SLC30A8: variants seen among roughly 807,000 people sequenced by gnomAD.
SLC30A8 encodes proton-coupled zinc antiporter SLC30A8.
In SLC30A8, 27 loss-of-function variants were observed where a neutral mutation model predicts 36.9. The ratio of observed to expected loss-of-function variants is 0.73; its 90% confidence interval spans 0.54 to 1.01. The LOEUF is 1.01. SLC30A8 is among the 50% of genes least tolerant of loss of function. The probability of loss-of-function intolerance (pLI) is 0.00; values close to 1 mark genes in which losing one functional copy is unlikely to be tolerated. For missense variants in SLC30A8, 439 were observed against 452.0 expected, an observed-to-expected ratio of 0.97 and a Z score of 0.26; for synonymous variants, 164 against 172.4, an observed-to-expected ratio of 0.95 and a Z score of 0.38.
chr8:117,163,669 A>ACAAT, intron 6 of SLC30A8, 139 bp downstream of exon 6: 1 of 642,450 alleles, frequency 1.6e-6, no homozygotes, highest in South Asian at 2.4e-5. Context: ...TTTTGTGAAA[A>ACAAT]CAATCATTTG....
chr8:117,113,711 G>T (rs1820327106), intron 2 of SLC30A8, among the ~76,000 whole-genome samples: 1 of 152,120 alleles, frequency 6.6e-6, no homozygotes, highest in Non-Finnish European at 1.5e-5. Flanking sequence ...AGAAGTTGTT[G>T]TGCTAGACAT....
At chr8:117,162,036 C>T in intron 5 of SLC30A8, 148 bp downstream of exon 5, 1 of 618,724 alleles carries the variant, frequency 1.6e-6, no homozygotes, top group Non-Finnish European at 2.7e-6. Context: ...AACACTCAAC[C>T]ATGGTGTTAA....
rs1355722512 is a variant in SLC30A8 at position 117,171,148 on chromosome 8, T to C, written c.944T>C (p.Leu315Pro). 3 of 1,613,458 alleles carry C rather than the reference T, an allele frequency of 1.9e-6. No individual in the cohort carries two copies. Among genetic ancestry groups the C allele is most frequent in the Non-Finnish European group, 2.5e-6 (3 of 1,179,626 alleles). The change falls in exon 7 of 8, where the codon CTC becomes CCC. Residue 315 changes from leucine (L) to proline (P), a missense_variant. Physicochemically the swap from Leu to Pro is moderately conservative, Grantham distance 98. Transcript: ENST00000456015. ...IWSLTMNQVI[L>P]SAHVATAASR... Reference sequence around the variant, plus strand: ...TCTCTAACAATGAATCAAGTAATTCTCTCAGCTCATGTTGCTACAGGTCAG... The same window carrying C: ...TCTCTAACAATGAATCAAGTAATTCCCTCAGCTCATGTTGCTACAGGTCAG...
chr8:117,034,540 G>A (rs970639287), intron 1 of SLC30A8, among the ~76,000 whole-genome samples: 4 of 152,182 alleles, frequency 2.6e-5, no homozygotes, highest in East Asian at 3.9e-4. Context: ...GGAAACTGAA[G>A]CATGGAGTGG....
intron 3 of SLC30A8, among the ~76,000 whole-genome samples, chr8:117,156,675 T>C (rs1051346697): frequency 2.6e-5 from 4 of 152,208 alleles, no homozygotes; most frequent in Admixed American, 2.6e-4. Flanking sequence ...ACATCAAATA[T>C]GTAATTTCAT....
chr8:117,077,089 A>G (rs536442161), intron 2 of SLC30A8, among the ~76,000 whole-genome samples: 1 of 152,136 alleles, frequency 6.6e-6, no homozygotes, highest in Non-Finnish European at 1.5e-5. Context: ...CTCTTGATAG[A>G]CCACCTGTTT....
At chr8:117,120,598 G>T (rs1446927295) in intron 2 of SLC30A8, among the ~76,000 whole-genome samples, 2 of 151,806 alleles carry the variant, frequency 1.3e-5, no homozygotes, top group Admixed American at 1.3e-4. Flanking sequence ...AGCTAAAATG[G>T]ACTAGTGGGA....
chr8:117,065,993 A>G (rs1216634866), intron 2 of SLC30A8, among the ~76,000 whole-genome samples: 1 of 152,122 alleles, frequency 6.6e-6, no homozygotes, highest in Non-Finnish European at 1.5e-5. Context: ...CCCATTCTGT[A>G]TTATTCCTTC....
intron 1 of SLC30A8, among the ~76,000 whole-genome samples, chr8:116,982,308 T>A (rs1430354356): frequency 1.3e-5 from 2 of 152,110 alleles, no homozygotes; most frequent in Non-Finnish European, 1.5e-5. Flanking sequence ...TGAATATTCA[T>A]ACACAGTAAG....
chr8:116,973,392 T>A (rs1356593210), intron 1 of SLC30A8, among the ~76,000 whole-genome samples: 1 of 152,010 alleles, frequency 6.6e-6, no homozygotes, highest in African/African-American at 2.4e-5. Context: ...TATACACCAA[T>A]AACAGACAAA....
chr8:117,037,140 C>CT (rs961281993), intron 1 of SLC30A8, among the ~76,000 whole-genome samples: 1 of 151,944 alleles, frequency 6.6e-6, no homozygotes, highest in Non-Finnish European at 1.5e-5. Context: ...AAAATAGATT[C>CT]TTTTTTGGCA....
At chr8:117,051,283 A>C (rs1378739222) in intron 2 of SLC30A8, among the ~76,000 whole-genome samples, 1 of 152,192 alleles carries the variant, frequency 6.6e-6, no homozygotes, top group East Asian at 1.9e-4. Flanking sequence ...TGGTTATCAC[A>C]ATGATGAGGA....
At chr8:117,117,574 A>G (rs1471765858) in intron 2 of SLC30A8, among the ~76,000 whole-genome samples, 1 of 152,048 alleles carries the variant, frequency 6.6e-6, no homozygotes, top group Non-Finnish European at 1.5e-5. Context: ...TTAACAGTGA[A>G]ATAGAATTTC....
In SLC30A8 at chr8:117,141,652, C is replaced by T. The variant is rs1214163740; in HGVS notation, c.72-5302C>T. Among the ~76,000 whole-genome samples, 2 of 152,092 alleles carry T rather than the reference C, an allele frequency of 1.3e-5. 1 individual carries two copies. The highest frequency in any genetic ancestry group is 4.8e-5 in the African/African-American group (2 of 41,420). On this transcript the variant is annotated intron_variant, in intron 1 of 7. Transcript: ENST00000456015. ...GATTTTGAAGCACCCATCACCTGAGCAGTGTACACTGTACCAATGTGCAGT... is the reference window on the plus strand; with the variant it reads ...GATTTTGAAGCACCCATCACCTGAGTAGTGTACACTGTACCAATGTGCAGT...
At position 117,163,550 on chromosome 8, in the gene SLC30A8, T is replaced by C; in HGVS notation, c.829+20T>C. 6.5e-7 allele frequency: 1 copy of C among 1,536,164 alleles called. No individual in the cohort carries two copies. Among genetic ancestry groups the C allele is most frequent in the Non-Finnish European group, 9.0e-7 (1 of 1,112,450 alleles). The stretch of plus-strand genomic sequence containing the variant: ...TGGAAGGTAGGAGTGATTTTATTAT[T>C]ACTCCCAGAGTCAGTGTTTTCTCTT... On this transcript the variant is annotated intron_variant, in intron 6 of 7. Coordinates refer to ENST00000456015, the MANE Select transcript of SLC30A8 (RefSeq NM_173851.3).
chr8:116,991,029 C>G (rs1815621947), intron 1 of SLC30A8, among the ~76,000 whole-genome samples: 1 of 152,084 alleles, frequency 6.6e-6, no homozygotes, highest in Non-Finnish European at 1.5e-5. Flanking sequence ...GAACATTTAT[C>G]TGGGGAGGGT....
At chr8:116,965,931 T>A (rs1452817682) in intron 1 of SLC30A8, among the ~76,000 whole-genome samples, 1 of 151,122 alleles carries the variant, frequency 6.6e-6, no homozygotes, top group Non-Finnish European at 1.5e-5. Flanking sequence ...TTACCCAGGC[T>A]GGGGTGCAGT....
chr8:117,105,798 G>A (rs887015374), intron 2 of SLC30A8, among the ~76,000 whole-genome samples: 1 of 152,148 alleles, frequency 6.6e-6, no homozygotes, highest in African/African-American at 2.4e-5. Context: ...ACCTAGATTA[G>A]TGTTTGACTA....
At chr8:117,133,795 C>T (rs113038774), upstream of SLC30A8, among the ~76,000 whole-genome samples, 334 of 151,968 alleles carry the variant, frequency 2.2e-3, 1 homozygote, top group African/African-American at 7.5e-3. Flanking sequence ...TAAGAATATA[C>T]GAGAAAAAAT....
Sources: gnomAD v4.1 joint callset for allele counts (sites outside exome capture counted in the v4.1 genomes callset) on GRCh38, gnomAD v4.1.1 for gene constraint, MANE v1.5 for transcripts, NCBI Gene and HGNC (gene_info 2026-07-23, HGNC 2026-07-21) for gene names.